AGTPBP1: variants seen among roughly 807,000 people sequenced by gnomAD.
AGTPBP1 encodes cytosolic carboxypeptidase 1.
Under a neutral mutation model 143.9 loss-of-function variants are expected in AGTPBP1, and 70 were observed. The ratio of observed to expected loss-of-function variants is 0.49; its 90% CI spans 0.40 to 0.59. The LOEUF (loss-of-function observed/expected upper bound fraction) is 0.59, where lower values mean the gene tolerates loss of function less well. Ranked by LOEUF, AGTPBP1 falls within the 20% of genes least tolerant of loss-of-function variation. The probability of loss-of-function intolerance (pLI) is 0.00; values close to 1 mark genes in which losing one functional copy is unlikely to be tolerated. For synonymous variants in AGTPBP1, 463 were observed against 500.2 expected (o/e 0.93, Z 0.99); for missense variants, 1,229 against 1,464.5 (o/e 0.84, Z 2.62).
rs1016605078 is a variant in AGTPBP1, at chr9:85,660,876, C to A, written c.700+60G>T. 9 of 1,222,508 alleles carry A rather than the reference C, an allele frequency of 7.4e-6. No homozygotes were observed. The Admixed American group carries it at 1.1e-4, about 15-fold the overall frequency. 75.7% of individuals were successfully genotyped at this position (1,222,508 alleles called of 1,614,324 possible). A position where few individuals can be genotyped will look rare whatever the true frequency, so the allele number is the denominator to read the frequency against. On this transcript the variant is annotated intron_variant, in intron 9 of 25. Coordinates refer to ENST00000357081, the MANE Select transcript of AGTPBP1 (RefSeq NM_001330701.2). ...AAATCTACATTTCCAGTTTCTTTAA[C>A]ATAATAAATAGAATTCTCAGAAAAA...
chr9:85,673,385 G>A (rs1834615842), intron 6 of AGTPBP1, among the ~76,000 whole-genome samples: 1 of 151,732 alleles, frequency 6.6e-6, no homozygotes, highest in South Asian at 2.1e-4. Flanking sequence ...AAATCCAAAT[G>A]TCCATTACAA....
chr9:85,631,249 G>C (rs1037933414), intron 14 of AGTPBP1, among the ~76,000 whole-genome samples: 1 of 152,208 alleles, frequency 6.6e-6, no homozygotes, highest in Non-Finnish European at 1.5e-5. Flanking sequence ...AAGTCCCTGG[G>C]TGGATACTGG....
At chr9:85,771,448 T>G in the AGTPBP1 span, among the ~76,000 whole-genome samples, 70 of 152,286 alleles carry the variant, frequency 4.6e-4, 1 homozygote, top group African/African-American at 1.3e-3. Context: ...CACTTCAGTC[T>G]GGGGCAACAG....
At chr9:85,628,950 C>T (rs1201219435) in intron 14 of AGTPBP1, among the ~76,000 whole-genome samples, 1 of 151,984 alleles carries the variant, frequency 6.6e-6, no homozygotes, top group Non-Finnish European at 1.5e-5. Context: ...CTCCTGACCT[C>T]GTGATCCACC....
chr9:85,599,582 T>C (rs769122203), intron 17 of AGTPBP1, among the ~76,000 whole-genome samples: 3 of 152,218 alleles, frequency 2.0e-5, no homozygotes, highest in Non-Finnish European at 4.4e-5. Context: ...TCTCCTATAT[T>C]ACCCCCCTTA....
At chr9:85,609,214 T>A (rs1326149748) in intron 17 of AGTPBP1, among the ~76,000 whole-genome samples, 1 of 152,108 alleles carries the variant, frequency 6.6e-6, no homozygotes, top group Non-Finnish European at 1.5e-5. Context: ...GTATTAAATA[T>A]ACTCCCTAAT....
chr9:85,666,094 A>G (rs933704947), intron 8 of AGTPBP1, among the ~76,000 whole-genome samples: 2 of 152,114 alleles, frequency 1.3e-5, no homozygotes, highest in African/African-American at 4.8e-5. Flanking sequence ...ACAAGCAACA[A>G]TAATTCAAAA....
At chr9:85,583,750 T>C (rs1174409937) in intron 23 of AGTPBP1, among the ~76,000 whole-genome samples, 4 of 152,236 alleles carry the variant, frequency 2.6e-5, no homozygotes, top group East Asian at 3.9e-4. Context: ...CAAATATTTA[T>C]TGAGTACTTA....
At chr9:85,775,403 C>G in the AGTPBP1 span, among the ~76,000 whole-genome samples, 1 of 151,376 alleles carries the variant, frequency 6.6e-6, no homozygotes, top group Non-Finnish European at 1.5e-5. Context: ...GTAATCCCAG[C>G]ATTTTGGAAG....
At chr9:85,723,835 C>G (rs62570613) in intron 1 of AGTPBP1, among the ~76,000 whole-genome samples, 2,252 of 152,302 alleles carry the variant, frequency 0.015, 25 homozygotes, top group Middle Eastern at 0.037. Context: ...TCTGGGTTGA[C>G]TGTCCTTCTA....
rs560859708 is a variant in AGTPBP1 at position 85,713,436 on chromosome 9, C to A, written c.-33-870G>T. ...ATCCCAGCTACTCAGGAGGCTGAGA[C>A]AGGAGAATCACTTGAACCCGGGAGG... On this transcript the variant is annotated intron_variant, in intron 1 of 25. Transcript: ENST00000357081. Among the ~76,000 whole-genome samples the A allele has an allele frequency of 7.6e-4, 115 of 152,298 alleles. 1 individual carries two copies. Among genetic ancestry groups the A allele is most frequent in the Middle Eastern group, 3.4e-3 (1 of 294 alleles).
intron 17 of AGTPBP1, among the ~76,000 whole-genome samples, chr9:85,601,629 C>T (rs11141030): frequency 0.028 from 4,291 of 152,292 alleles, 93 homozygotes; most frequent in South Asian, 0.048. Flanking sequence ...CACCACTGAT[C>T]CTCTCATTGC....
intron 17 of AGTPBP1, among the ~76,000 whole-genome samples, chr9:85,599,259 C>T (rs1829508203): frequency 6.6e-6 from 1 of 152,052 alleles, no homozygotes; most frequent in Non-Finnish European, 1.5e-5. Flanking sequence ...GTGTTACTTT[C>T]AATCTCTGAC....
intron 14 of AGTPBP1, among the ~76,000 whole-genome samples, chr9:85,627,430 T>G (rs1472600071): frequency 6.6e-6 from 1 of 152,162 alleles, no homozygotes; most frequent in Non-Finnish European, 1.5e-5. Context: ...AGTCTCACAT[T>G]AGTGTTACTT....
chr9:85,653,485 G>A (rs1021033731), intron 11 of AGTPBP1, among the ~76,000 whole-genome samples: 7 of 152,126 alleles, frequency 4.6e-5, no homozygotes, highest in East Asian at 1.9e-4. Flanking sequence ...TTCTCTATCC[G>A]TCAATCCAGA....
intron 14 of AGTPBP1, among the ~76,000 whole-genome samples, chr9:85,630,928 T>C (rs928696880): frequency 6.6e-6 from 1 of 152,160 alleles, no homozygotes; most frequent in Non-Finnish European, 1.5e-5. Flanking sequence ...AACATGTCCA[T>C]TCACAGTTAA....
chr9:85,620,368 T>A (rs1564070952), intron 15 of AGTPBP1, among the ~76,000 whole-genome samples: 1 of 147,542 alleles, frequency 6.8e-6, no homozygotes, highest in Non-Finnish European at 1.5e-5. Flanking sequence ...GGGCCGAGAT[T>A]ACACCAAAGC....
chr9:85,719,962 T>C (rs895003703), intron 1 of AGTPBP1, among the ~76,000 whole-genome samples: 1 of 152,214 alleles, frequency 6.6e-6, no homozygotes, highest in Non-Finnish European at 1.5e-5. Context: ...ATGGATTATG[T>C]TTATTGATTT....
At chr9:85,770,169 G>C in the AGTPBP1 span, 1 of 688,152 alleles carries the variant, frequency 1.5e-6, no homozygotes, top group Non-Finnish European at 2.4e-6. Context: ...TTCTTAAAAT[G>C]TAGTACAAGA....
Sources: gnomAD v4.1 joint callset for allele counts (sites outside exome capture counted in the v4.1 genomes callset) on GRCh38, gnomAD v4.1.1 for gene constraint, MANE v1.5 for transcripts, NCBI Gene and HGNC (gene_info 2026-07-23, HGNC 2026-07-21) for gene names.